TBC1D22A: variants seen among roughly 807,000 people sequenced by gnomAD.
TBC1D22A encodes the protein putative GTPase activator.
A neutral mutation model predicts 60.2 loss-of-function variants in TBC1D22A; 38 were observed. The observed-to-expected ratio is 0.63, with a 90% CI of 0.49 to 0.83. The LOEUF (loss-of-function observed/expected upper bound fraction) is 0.83, where lower values mean the gene tolerates loss of function less well. TBC1D22A is among the 40% of genes least tolerant of loss of function. The probability of loss-of-function intolerance (pLI) is 0.00; values close to 1 mark genes in which losing one functional copy is unlikely to be tolerated. For missense variants in TBC1D22A, 628 were observed against 701.0 expected, an observed-to-expected ratio of 0.90 and a Z score of 1.18; for synonymous variants, 302 against 281.7, an observed-to-expected ratio of 1.07 and a Z score of -0.72.
chr22:47,097,147 C>T (rs1279934267), intron 11 of TBC1D22A, among the ~76,000 whole-genome samples: 6 of 148,998 alleles, frequency 4.0e-5, no homozygotes, highest in African/African-American at 1.0e-4. Flanking sequence ...GCCTAGGCCA[C>T]GTGGCCTCCA....
intron 4 of TBC1D22A, among the ~76,000 whole-genome samples, chr22:46,854,403 C>T (rs1378419168): frequency 6.6e-6 from 1 of 152,196 alleles, no homozygotes; most frequent in African/African-American, 2.4e-5. Flanking sequence ...TGCTCCTCCT[C>T]CACTGAACAA....
chr22:46,805,834 CCTT>C (rs138362506), intron 4 of TBC1D22A, among the ~76,000 whole-genome samples: 12,479 of 139,442 alleles, frequency 0.089, 642 homozygotes, highest in Non-Finnish European at 0.12. Flanking sequence ...GTCTTTCTGT[CCTT>C]CTTCTTCTTC....
chr22:46,956,403 G>A (rs2073193439), intron 8 of TBC1D22A, among the ~76,000 whole-genome samples: 1 of 152,180 alleles, frequency 6.6e-6, no homozygotes, highest in Admixed American at 6.5e-5. Context: ...GGCTAACACG[G>A]TGAAACCCTG....
chr22:46,880,099 A>C (rs1355109278), intron 5 of TBC1D22A, among the ~76,000 whole-genome samples: 5 of 152,144 alleles, frequency 3.3e-5, no homozygotes, highest in Non-Finnish European at 1.5e-5. Context: ...TAGAAAGTTT[A>C]TTTTGCCAAG....
intron 11 of TBC1D22A, among the ~76,000 whole-genome samples, chr22:47,070,827 G>A (rs1191622494): frequency 2.5e-5 from 2 of 80,498 alleles, no homozygotes; most frequent in Non-Finnish European, 5.0e-5. Context: ...TGGCTGGAGC[G>A]GGGCTGACCT....
rs551758131 is a variant in TBC1D22A at position 46,827,752 on chromosome 22, G to A, written c.637+30132G>A. 3.9e-5 allele frequency among the ~76,000 whole-genome samples: 6 copies of A among 152,294 alleles called. No individual in the cohort carries two copies. In the East Asian group the frequency reaches 9.6e-4, roughly 24 times the overall value. ...CCTATGACTCCTCTCTTCTCTGAGAGTACCTGGGTGGAGCGTACTGGGGTC... is the reference window on the plus strand; with the variant it reads ...CCTATGACTCCTCTCTTCTCTGAGAATACCTGGGTGGAGCGTACTGGGGTC... On this transcript the variant is annotated intron_variant, in intron 4 of 12. Coordinates refer to ENST00000337137, the MANE Select transcript of TBC1D22A (RefSeq NM_014346.5).
rs918381924 is a variant in TBC1D22A at position 46,990,262 on chromosome 22, A to G, written c.1126-7372A>G. On this transcript the variant is annotated intron_variant, in intron 9 of 12. Transcript: ENST00000337137. This position sits in a 1 kb window ranked among gnomAD's most constrained non-coding sequence, Gnocchi z 4.6. ...TTGGGGTTTAGGTTGCCATTTTCCT[A>G]TTTACTTTCATCTTTTCTTATTTGT... Among the ~76,000 whole-genome samples the G allele has an allele frequency of 1.4e-4, 22 of 151,836 alleles. No individual in the cohort carries two copies. The East Asian group carries it at 1.9e-3, about 13-fold the overall frequency.
At chr22:47,057,799 T>C (rs571371390) in intron 11 of TBC1D22A, among the ~76,000 whole-genome samples, 40 of 152,266 alleles carry the variant, frequency 2.6e-4, no homozygotes, top group Admixed American at 2.0e-3. Flanking sequence ...ACGTGGGGAT[T>C]ATGGGAGCTA....
At chr22:46,800,419 C>G (rs2084846740) in intron 4 of TBC1D22A, among the ~76,000 whole-genome samples, 1 of 152,110 alleles carries the variant, frequency 6.6e-6, no homozygotes, top group Non-Finnish European at 1.5e-5. Flanking sequence ...ATCTTGGCCA[C>G]TTCCTCTTCT....
At chr22:47,106,759 A>T (rs2065649442) in intron 11 of TBC1D22A, among the ~76,000 whole-genome samples, 1 of 152,168 alleles carries the variant, frequency 6.6e-6, no homozygotes, top group South Asian at 2.1e-4. Context: ...AACAAGAAGA[A>T]GATCTCCATT....
rs568823019 is a variant in TBC1D22A, at chr22:46,974,294, A to G, written c.1020A>G (p.Ala340=). 1.3e-6 allele frequency: 2 copies of G among 1,594,828 alleles called. No individual in the cohort carries two copies. The highest frequency in any genetic ancestry group is 3.5e-5 in the Admixed American group (2 of 57,150). The change falls in exon 9 of 13, where the codon GCA becomes GCG. Residue 340 remains alanine, a synonymous_variant. Transcript: ENST00000337137. ...FVVFICEYIE[A]EEVDTVDVSG... The stretch of plus-strand genomic sequence containing the variant: ...TGCATGCTCGGCGCCGCCCAGAGGC[A>G]GAGGAGGTGGACACGGTGGACGTCT...
intron 9 of TBC1D22A, among the ~76,000 whole-genome samples, chr22:46,996,147 A>G (rs1242644535): frequency 6.6e-6 from 1 of 152,216 alleles, no homozygotes; most frequent in Non-Finnish European, 1.5e-5. Context: ...GCCTGCTACG[A>G]GCCAGCACCT....
At chr22:47,098,473 C>G (rs2065272468) in intron 11 of TBC1D22A, among the ~76,000 whole-genome samples, 1 of 152,248 alleles carries the variant, frequency 6.6e-6, no homozygotes, top group Non-Finnish European at 1.5e-5. Flanking sequence ...GAACTGGACA[C>G]TCTTCCCTGT....
At chr22:46,805,516 C>G (rs1025344713) in intron 4 of TBC1D22A, among the ~76,000 whole-genome samples, 1 of 152,196 alleles carries the variant, frequency 6.6e-6, no homozygotes, top group Non-Finnish European at 1.5e-5. Flanking sequence ...CCTCACAGCT[C>G]TAAAGGGGCT....
intron 4 of TBC1D22A, among the ~76,000 whole-genome samples, chr22:46,818,828 T>C (rs2085708221): frequency 6.6e-6 from 1 of 152,232 alleles, no homozygotes; most frequent in Non-Finnish European, 1.5e-5. Flanking sequence ...CTTTGGGCAG[T>C]ATGGCCATTT....
At chr22:46,975,297 G>A (rs541363115) in intron 9 of TBC1D22A, among the ~76,000 whole-genome samples, 2 of 152,256 alleles carry the variant, frequency 1.3e-5, no homozygotes, top group South Asian at 2.1e-4. Flanking sequence ...GGCATGAGGG[G>A]ACAGAAGGCA....
At position 46,815,746 on chromosome 22, in the gene TBC1D22A, C is replaced by T. The variant is rs533602230; in HGVS notation, c.637+18126C>T. On this transcript the variant is annotated intron_variant, in intron 4 of 12. Coordinates refer to ENST00000337137, the MANE Select transcript of TBC1D22A (RefSeq NM_014346.5). ...GTAGCAGCTCATCCATGTTGAGAGACCAGGCAAAACAGGAAAATTCCAGCT... is the reference window on the plus strand; with the variant it reads ...GTAGCAGCTCATCCATGTTGAGAGATCAGGCAAAACAGGAAAATTCCAGCT... Among the ~76,000 whole-genome samples the T allele has an allele frequency of 1.1e-4, 17 of 152,226 alleles. No homozygotes were observed. The East Asian group carries it at 3.3e-3, about 29-fold the overall frequency.
At chr22:47,158,556 C>T (rs1431046627) in intron 12 of TBC1D22A, among the ~76,000 whole-genome samples, 1 of 152,154 alleles carries the variant, frequency 6.6e-6, no homozygotes, top group African/African-American at 2.4e-5. Context: ...TGCACAGCCC[C>T]GTGGGCAGGC....
At chr22:47,008,385 T>C (rs948162502) in intron 10 of TBC1D22A, among the ~76,000 whole-genome samples, 1 of 152,210 alleles carries the variant, frequency 6.6e-6, no homozygotes, top group African/African-American at 2.4e-5. Context: ...GGTGTGGCCT[T>C]GATAACTGGC....
Sources: allele counts gnomAD v4.1 joint callset (sites outside exome capture counted in the v4.1 genomes callset), GRCh38; gene constraint gnomAD v4.1.1; non-coding constraint Gnocchi (gnomAD v3.1); transcripts MANE v1.5; gene names NCBI Gene and HGNC (gene_info 2026-07-23, HGNC 2026-07-21).